Variants in SPEN observed in about 807,000 individuals in gnomAD.
SPEN encodes spen family transcriptional repressor, also known as msx2-interacting protein.
SPEN carries 18 observed loss-of-function variants against 269.9 expected under a neutral mutation model. That is an observed-to-expected ratio of 0.07 (90% confidence interval 0.05 to 0.10). The LOEUF (loss-of-function observed/expected upper bound fraction) is 0.10, where lower values mean the gene tolerates loss of function less well. Among genes scored for constraint, SPEN ranks in the 10% least tolerant of loss-of-function variants. SPEN has a pLI of 1.00. For missense variants in SPEN, 3,822 were observed against 4,631.2 expected, an observed-to-expected ratio of 0.83 and a Z score of 5.07; for synonymous variants, 1,726 against 1,765.7, an observed-to-expected ratio of 0.98 and a Z score of 0.56.
chr1:15,875,054 T>C (rs1018305366), intron 2 of SPEN, among the ~76,000 whole-genome samples: 1 of 152,068 alleles, frequency 6.6e-6, no homozygotes, highest in African/African-American at 2.4e-5. Context: ...TCCCTTTTGA[T>C]AGAAGATAGA....
At chr1:15,938,544 C>A in intron 13 of SPEN, 174 bp from the exon 14 acceptor site, 2 of 541,874 alleles carry the variant, frequency 3.7e-6, no homozygotes. Context: ...TTTAAATCAG[C>A]TTTCTCAGGT....
intron 2 of SPEN, chr1:15,874,266 A>G: frequency 7.3e-7 from 1 of 1,366,414 alleles, no homozygotes; most frequent in Admixed American, 1.9e-5. Context: ...TCTAAATATC[A>G]TTTGACACCC....
At chr1:15,851,391 T>C (rs144697294) in intron 1 of SPEN, among the ~76,000 whole-genome samples, 19 of 152,276 alleles carry the variant, frequency 1.2e-4, no homozygotes, top group African/African-American at 4.6e-4. Flanking sequence ...TTAACAAAGA[T>C]TCATTACAGG....
intron 7 of SPEN, 31 bp downstream of exon 7, chr1:15,919,082 T>G: frequency 6.3e-7 from 1 of 1,589,544 alleles, no homozygotes; most frequent in Non-Finnish European, 8.5e-7. Flanking sequence ...TATTGTGCTG[T>G]TATGATTTGC....
intron 5 of SPEN, among the ~76,000 whole-genome samples, chr1:15,914,614 G>A (rs1258913414): frequency 6.6e-6 from 1 of 152,138 alleles, no homozygotes; most frequent in African/African-American, 2.4e-5. Context: ...CCTGAGGTCA[G>A]GAGTTCGAGA....
At chr1:15,863,850 C>T (rs1183443002) in intron 1 of SPEN, among the ~76,000 whole-genome samples, 1 of 152,026 alleles carries the variant, frequency 6.6e-6, no homozygotes, top group African/African-American at 2.4e-5. Flanking sequence ...TAGAACAAAA[C>T]AAACAAAAAA....
intron 3 of SPEN, among the ~76,000 whole-genome samples, chr1:15,907,431 G>A (rs975146820): frequency 6.6e-6 from 1 of 151,968 alleles, no homozygotes; most frequent in African/African-American, 2.4e-5. Flanking sequence ...AGCCACGATC[G>A]CACCACTGCA....
intron 1 of SPEN, among the ~76,000 whole-genome samples, chr1:15,855,723 C>T (rs2070379403): frequency 6.6e-6 from 1 of 151,648 alleles, no homozygotes; most frequent in African/African-American, 2.4e-5. Flanking sequence ...ATTAGCCTGG[C>T]ATGGTGGCAA....
intron 3 of SPEN, among the ~76,000 whole-genome samples, chr1:15,894,536 GTTTTTTTT>G (rs766111268): frequency 1.0e-5 from 1 of 100,402 alleles, no homozygotes; most frequent in African/African-American, 4.2e-5. Context: ...TATTATGGTT[GTTTTTTTT>G]TTTTTTTTTT....
chr1:15,885,937 A>G (rs1302252416), intron 3 of SPEN, among the ~76,000 whole-genome samples: 1 of 152,150 alleles, frequency 6.6e-6, no homozygotes, highest in Non-Finnish European at 1.5e-5. Context: ...GCAACACACA[A>G]CCTTCTGTTT....
chr1:15,888,992 A>G (rs1035184423), intron 3 of SPEN, among the ~76,000 whole-genome samples: 3 of 151,952 alleles, frequency 2.0e-5, no homozygotes, highest in Non-Finnish European at 4.4e-5. Flanking sequence ...TTCTTTCCTT[A>G]TATCTCTTTT....
chr1:15,907,062 G>A (rs1319836875), intron 3 of SPEN, among the ~76,000 whole-genome samples: 3 of 152,112 alleles, frequency 2.0e-5, no homozygotes, highest in Non-Finnish European at 4.4e-5. Context: ...CTAAGCCACT[G>A]CACCCAGTCA....
chr1:15,939,539 C>A lies in SPEN; in HGVS notation c.*112C>A. 2 of 1,330,274 alleles carry A rather than the reference C, an allele frequency of 1.5e-6. No individual in the cohort carries two copies. Among genetic ancestry groups the A allele is most frequent in the Non-Finnish European group, 2.0e-6 (2 of 1,002,892 alleles). The allele number at this position is 1,330,274 out of a possible 1,614,324, so 82.4% of individuals were successfully genotyped here. On this transcript the variant is annotated 3_prime_UTR_variant, in exon 15 of 15. Coordinates refer to ENST00000375759, the MANE Select transcript of SPEN (RefSeq NM_015001.3). This position sits in a 1 kb window ranked among gnomAD's most constrained non-coding sequence, Gnocchi z 4.1. ...TGCCGAAGGGGACAGACTCCACTGC[C>A]AGACGGCCAGCCGTTTGCTGTCCTG...
At chr1:15,895,740 G>A (rs1222655781) in intron 3 of SPEN, among the ~76,000 whole-genome samples, 1 of 150,112 alleles carries the variant, frequency 6.7e-6, no homozygotes, top group Non-Finnish European at 1.5e-5. Flanking sequence ...GAGTGCAGTG[G>A]CATGATCTCG....
chr1:15,933,712 A>G lies in SPEN; in HGVS notation c.7472A>G (p.His2491Arg). ...SPPVASGGIP[H>R]QSPPTKVTEW... is the part of the protein sequence containing the mutation. ...CCTGTCGCCTCTGGGGGGATCCCAC[A>G]CCAGAGCCCCCCTACTAAGGTGACA... Residue 2491 changes from histidine to arginine, a missense_variant, in exon 11 of 15, where the codon CAC becomes CGC. His to Arg is a conservative substitution (Grantham distance 29). Around this residue, in one of 16 missense-constraint regions of SPEN, gnomAD observed 727 missense variants for 737.9 expected, o/e 0.99. Coordinates refer to ENST00000375759, the MANE Select transcript of SPEN (RefSeq NM_015001.3). This position sits in a 1 kb window ranked among gnomAD's most constrained non-coding sequence, Gnocchi z 5.7. 1 of 1,614,108 alleles carries G rather than the reference A, an allele frequency of 6.2e-7. No individual in the cohort carries two copies. The highest frequency in any genetic ancestry group is 8.5e-7 in the Non-Finnish European group (1 of 1,180,010).
At position 15,931,272 on chromosome 1, in the gene SPEN, A is replaced by T. The variant is rs1011505841; in HGVS notation, c.5032A>T (p.Thr1678Ser). Residue 1678 changes from threonine to serine, a missense_variant, in exon 11 of 15, where the codon ACC (threonine) becomes TCC (serine). Around this residue, in one of 16 missense-constraint regions of SPEN, gnomAD observed 533 missense variants for 618.8 expected, o/e 0.86. Transcript: ENST00000375759. This position sits in a 1 kb window ranked among gnomAD's most constrained non-coding sequence, Gnocchi z 4.8. ...VTEEKTVEPA[T>S]VSEEAKPASE... ...AGAAGAGAAGACTGTGGAGCCAGCT[A>T]CCGTCTCAGAAGAAGCAAAGCCTGC... 6.2e-7 allele frequency: 1 copy of T among 1,614,054 alleles called. No individual in the cohort carries two copies.
chr1:15,910,124 TAAAAAAAAAAAA>T (rs57198076), intron 4 of SPEN, among the ~76,000 whole-genome samples: 2 of 65,706 alleles, frequency 3.0e-5, no homozygotes, highest in Non-Finnish European at 2.9e-5. Context: ...ACTCTGTCTC[TAAAAAAAAAAAA>T]AAAAAAAAAA....
intron 1 of SPEN, among the ~76,000 whole-genome samples, chr1:15,860,337 T>C (rs1274358333): frequency 6.6e-6 from 1 of 150,822 alleles, no homozygotes; most frequent in Non-Finnish European, 1.5e-5. Context: ...CCCAGGCTCA[T>C]CAAGTGACCC....
At position 15,931,911 on chromosome 1, in the gene SPEN, G is replaced by A. The variant is rs766484681; in HGVS notation, c.5671G>A (p.Glu1891Lys). Residue 1891 changes from glutamate (E) to lysine (K), a missense_variant, in exon 11 of 15, where the codon GAA (glutamate) becomes AAA (lysine). Glu to Lys is a moderately conservative substitution (Grantham distance 56). This residue lies in a region of SPEN where 533 missense variants were observed against 618.8 expected (regional missense o/e 0.86). Transcript: ENST00000375759. This position sits in a 1 kb window ranked among gnomAD's most constrained non-coding sequence, Gnocchi z 4.8. The stretch of plus-strand genomic sequence containing the variant: ...CTCTGCTGCAGACCTTGAACATCCC[G>A]AACCAAGTTTGCCTCTCAGCCGAAC... Reference protein sequence around the residue: ...KNSAADLEHPEPSLPLSRTRR... With the variant: ...KNSAADLEHPKPSLPLSRTRR... 18 of 1,614,070 alleles carry A rather than the reference G, an allele frequency of 1.1e-5. No individual in the cohort carries two copies. Among genetic ancestry groups the A allele is most frequent in the African/African-American group, 2.7e-5 (2 of 74,930 alleles).
Sources: gnomAD v4.1 joint callset for allele counts (sites outside exome capture counted in the v4.1 genomes callset) on GRCh38, gnomAD v4.1.1 for gene constraint, gnomAD v4.1.1 regional missense constraint, Gnocchi (gnomAD v3.1) non-coding constraint, MANE v1.5 for transcripts, NCBI Gene and HGNC (gene_info 2026-07-23, HGNC 2026-07-21) for gene names.